Variants in RIF1 observed in about 807,000 individuals in gnomAD.
The protein encoded by RIF1 is telomere-associated protein RIF1.
A neutral mutation model predicts 247.1 loss-of-function variants in RIF1; 45 were observed. That is an observed-to-expected ratio of 0.18 (90% CI 0.14 to 0.23). The LOEUF is 0.23. Among genes scored for constraint, RIF1 ranks in the 10% least tolerant of loss-of-function variants. The probability of loss-of-function intolerance (pLI) is 1.00; values close to 1 mark genes in which losing one functional copy is unlikely to be tolerated. For synonymous variants in RIF1, 1,087 were observed against 978.8 expected, an observed-to-expected ratio of 1.11 and a Z score of -2.06; for missense variants, 2,967 against 2,862.5, an observed-to-expected ratio of 1.04 and a Z score of -0.83.
rs988042787 is a variant in RIF1 at position 151,498,163 on chromosome 2, A to C, written c.*514-1182A>C. 1.0e-5 allele frequency: 16 copies of C among 1,540,194 alleles called. No individual in the cohort carries two copies. The African/African-American group carries it at 1.8e-4, about 17-fold the overall frequency. On this transcript the variant is annotated intron_variant and NMD_transcript_variant, in intron 10 of 13. Coordinates refer to the RIF1 transcript ENST00000454583. ...TGTAATATAAGATGTATTAGAAGCA[A>C]AGAAGGGAAATGGGCTTCAAACAAA...
intron 26 of RIF1, 38 bp from the exon 27 acceptor site, chr2:151,461,100 G>A (rs997038904): frequency 1.9e-6 from 3 of 1,572,252 alleles, no homozygotes; most frequent in African/African-American, 2.8e-5. Flanking sequence ...TAATTTGGAA[G>A]CTAAAATGTA....
chr2:151,490,015 G>C (rs764892870), intron 9 of RIF1: 6 of 1,613,428 alleles, frequency 3.7e-6, no homozygotes, highest in Non-Finnish European at 4.2e-6. Flanking sequence ...ACCGTTGTCT[G>C]TTGGGTAGCA....
chr2:151,531,233 G>A, the RIF1 span: 2 of 645,970 alleles, frequency 3.1e-6, no homozygotes, highest in South Asian at 1.9e-5. Context: ...GTGCTTTCAT[G>A]CTCTCTGCTA....
At chr2:151,515,070 C>T in the RIF1 span, 2 of 623,074 alleles carry the variant, frequency 3.2e-6, no homozygotes, top group African/African-American at 1.8e-5. Context: ...ACATTTGAAA[C>T]ATGTATGATT....
rs4500942 is a variant in RIF1, at chr2:151,478,066, A to G, written c.*2995A>G. ...ATTTTAGAGTGGATTTAAATTTTCA[A>G]TATTTCAGTGACCTCATTGTTAAAG... On this transcript the variant is annotated 3_prime_UTR_variant, in exon 36 of 36. Coordinates refer to ENST00000444746, the MANE Select transcript of RIF1 (RefSeq NM_018151.5). 0.3 allele frequency: 45,089 copies of G among 152,120 alleles called. 7,559 individuals are homozygous for G. Among genetic ancestry groups the G allele is most frequent in the East Asian group, 0.4 (2,051 of 5,162 alleles). The allele number at this position is 152,120 out of a possible 1,614,324, so 9.4% of individuals were successfully genotyped here.
chr2:151,488,301 T>G (rs2052851733), intron 9 of RIF1, among the ~76,000 whole-genome samples: 1 of 152,138 alleles, frequency 6.6e-6, no homozygotes, highest in African/African-American at 2.4e-5. Context: ...GGCCAGACTT[T>G]TATACTTCTA....
intron 22 of RIF1, among the ~76,000 whole-genome samples, chr2:151,455,583 A>G (rs1695056262): frequency 6.6e-6 from 1 of 152,218 alleles, no homozygotes. Context: ...AAATTAATAA[A>G]ATGAATGCAA....
chr2:151,458,226 A>ATTTTTTTTTT, intron 24 of RIF1, among the ~76,000 whole-genome samples: 1 of 99,172 alleles, frequency 1.0e-5, no homozygotes, highest in Non-Finnish European at 2.0e-5. Context: ...GAAATAGATG[A>ATTTTTTTTTT]TTTTTTTTTT....
intron 15 of RIF1, among the ~76,000 whole-genome samples, chr2:151,440,534 T>G (rs1013041457): frequency 6.6e-6 from 1 of 152,200 alleles, no homozygotes; most frequent in East Asian, 1.9e-4. Flanking sequence ...CCCTTTTTTT[T>G]TTAAACCCGT....
rs867671076 is a variant in RIF1 at position 151,442,388 on chromosome 2, T to A, written c.1734+397T>A. On this transcript the variant is annotated intron_variant, in intron 16 of 35. Transcript: ENST00000444746. ...GTGCCCAGCATATTTCCCTTTTTTT[T>A]AAAAAAAAAAAAAAAAAGAAAGATG... 8.1e-3 allele frequency among the ~76,000 whole-genome samples: 1,094 copies of A among 134,854 alleles called. 10 individuals carry two copies. The highest frequency in any genetic ancestry group is 0.019 in the African/African-American group (708 of 36,838). 88.5% of individuals were successfully genotyped at this position (134,854 alleles called of 152,430 possible).
downstream of RIF1, among the ~76,000 whole-genome samples, chr2:151,510,175 C>CTA (rs2073007331): frequency 6.6e-6 from 1 of 152,258 alleles, no homozygotes; most frequent in African/African-American, 2.4e-5. Flanking sequence ...TTGTCTCCTG[C>CTA]TAAATCAGGG....
chr2:151,519,850 A>G, the RIF1 span: 10 of 877,356 alleles, frequency 1.1e-5, no homozygotes, highest in Non-Finnish European at 1.9e-5. Flanking sequence ...CACAAATGCC[A>G]AAGAATATGC....
intron 7 of RIF1, among the ~76,000 whole-genome samples, chr2:151,420,689 C>T (rs1290925123): frequency 6.8e-6 from 1 of 146,978 alleles, no homozygotes; most frequent in Admixed American, 6.9e-5. Flanking sequence ...GAGCTATGAT[C>T]TCACCACTGC....
the RIF1 span, among the ~76,000 whole-genome samples, chr2:151,526,682 A>G: frequency 6.6e-6 from 1 of 151,996 alleles, no homozygotes; most frequent in Non-Finnish European, 1.5e-5. Flanking sequence ...TGCTGTGTGA[A>G]CTCTCTGCTG....
At chr2:151,428,668 C>T in intron 8 of RIF1, 116 bp from the exon 9 acceptor site, 2 of 749,288 alleles carry the variant, frequency 2.7e-6, no homozygotes. Context: ...CTTTTGTCTC[C>T]CCATTAGATT....
chr2:151,500,079 A>G (rs1281052737), intron 11 of RIF1, among the ~76,000 whole-genome samples: 1 of 152,240 alleles, frequency 6.6e-6, no homozygotes, highest in East Asian at 1.9e-4. Context: ...AAGCCTTTCA[A>G]TAAAAGGAAT....
intron 6 of RIF1, among the ~76,000 whole-genome samples, chr2:151,419,440 C>G (rs1383406598): frequency 6.6e-6 from 1 of 151,960 alleles, no homozygotes; most frequent in East Asian, 1.9e-4. Context: ...ATTCTCCTGC[C>G]TCAGCCTCCC....
Position 151,464,739 on chromosome 2 carries a change from A to C in RIF1, c.5219A>C (p.Gln1740Pro), listed in dbSNP as rs761006766. The change falls in exon 30 of 36, where the codon CAA becomes CCA. Residue 1740 changes from glutamine to proline, a missense_variant. By Grantham distance (76) the Gln-to-Pro change is moderately conservative. Coordinates refer to ENST00000444746, the MANE Select transcript of RIF1 (RefSeq NM_018151.5). ...TGTGATTGCTGTGGGGAAAAATCACAACCTCAGGAAAAGTCACTCATTGGG... is the reference window on the plus strand; with the variant it reads ...TGTGATTGCTGTGGGGAAAAATCACCACCTCAGGAAAAGTCACTCATTGGG... The part of the protein sequence containing the change: ...KGCDCCGEKS[Q>P]PQEKSLIGLK... 3.1e-6 allele frequency: 5 copies of C among 1,613,496 alleles called. No homozygotes were observed. Among genetic ancestry groups the C allele is most frequent in the Non-Finnish European group, 3.4e-6 (4 of 1,179,844 alleles).
chr2:151,489,178 T>C (rs1433145592), intron 9 of RIF1, among the ~76,000 whole-genome samples: 1 of 152,216 alleles, frequency 6.6e-6, no homozygotes, highest in African/African-American at 2.4e-5. Flanking sequence ...CCTTCTTGTA[T>C]GTCATTTAAT....
Sources: allele counts gnomAD v4.1 joint callset (sites outside exome capture counted in the v4.1 genomes callset), GRCh38; gene constraint gnomAD v4.1.1; transcripts MANE v1.5; gene names NCBI Gene and HGNC (gene_info 2026-07-23, HGNC 2026-07-21).